Variants in HS3ST5 observed in about 807,000 individuals in gnomAD.
The protein encoded by HS3ST5 is heparan sulfate-glucosamine 3-sulfotransferase 5.
In HS3ST5, 10 loss-of-function variants were observed where a neutral mutation model predicts 25.4. The observed-to-expected ratio is 0.39, with a 90% CI of 0.24 to 0.67. The LOEUF (loss-of-function observed/expected upper bound fraction) is 0.67, where lower values mean the gene tolerates loss of function less well. Among genes scored for constraint, HS3ST5 ranks in the 30% least tolerant of loss-of-function variants. The pLI, the probability that HS3ST5 is intolerant of heterozygous loss-of-function variation, is 0.44. For missense variants in HS3ST5, 324 were observed against 420.7 expected (o/e 0.77, Z 2.01); for synonymous variants, 170 against 162.4 (o/e 1.05, Z -0.36).
chr6:114,178,471 G>C (rs543222505), intron 2 of HS3ST5, among the ~76,000 whole-genome samples: 18 of 152,282 alleles, frequency 1.2e-4, no homozygotes, highest in Admixed American at 2.0e-4. Context: ...AAGGAAAGAT[G>C]AATGGTGACA....
intron 2 of HS3ST5, among the ~76,000 whole-genome samples, chr6:114,185,816 G>A (rs1279248802): frequency 6.0e-5 from 9 of 149,458 alleles, no homozygotes; most frequent in Admixed American, 2.7e-4. Context: ...CCCAGCTCAC[G>A]CAGCCTCAAA....
chr6:114,076,119 G>C (rs1379038117), intron 3 of HS3ST5, among the ~76,000 whole-genome samples: 1 of 152,204 alleles, frequency 6.6e-6, no homozygotes, highest in Non-Finnish European at 1.5e-5. Context: ...GCAGAGACTT[G>C]AGGACATCTG....
intron 1 of HS3ST5, among the ~76,000 whole-genome samples, chr6:114,305,290 C>G (rs974632348): frequency 2.0e-5 from 3 of 152,078 alleles, no homozygotes; most frequent in Non-Finnish European, 4.4e-5. Flanking sequence ...ATACAATTTT[C>G]TAATACTTTT....
intron 1 of HS3ST5, among the ~76,000 whole-genome samples, chr6:114,232,378 A>G (rs1409427400): frequency 2.0e-5 from 3 of 152,066 alleles, no homozygotes; most frequent in Non-Finnish European, 2.9e-5. Context: ...TTTAGCAGAG[A>G]TGAGGTTTCT....
At chr6:114,179,068 GA>G (rs974013352) in intron 2 of HS3ST5, 1 of 152,148 alleles carries the variant, frequency 6.6e-6, no homozygotes, top group African/African-American at 2.4e-5. Context: ...CCCAGAGCAA[GA>G]CCTTTTAGGA....
At chr6:114,066,875 G>A (rs1031728697) in intron 3 of HS3ST5, among the ~76,000 whole-genome samples, 2 of 151,606 alleles carry the variant, frequency 1.3e-5, no homozygotes, top group African/African-American at 2.4e-5. Flanking sequence ...CCTAATATAA[G>A]TTATTTTGTC....
intron 2 of HS3ST5, among the ~76,000 whole-genome samples, chr6:114,173,273 T>G (rs9488338): frequency 1.2e-3 from 189 of 152,346 alleles, no homozygotes; most frequent in African/African-American, 4.5e-3. Context: ...CTATTTTATA[T>G]TCTCGATTTT....
intron 2 of HS3ST5, among the ~76,000 whole-genome samples, chr6:114,169,957 G>A (rs2115001185): frequency 6.6e-6 from 1 of 152,100 alleles, no homozygotes; most frequent in African/African-American, 2.4e-5. Flanking sequence ...CTTAACATTT[G>A]TACTAATTCT....
At chr6:114,243,410 T>C (rs759262836) in intron 1 of HS3ST5, among the ~76,000 whole-genome samples, 1 of 152,198 alleles carries the variant, frequency 6.6e-6, no homozygotes, top group Non-Finnish European at 1.5e-5. Flanking sequence ...TTGGCCACCA[T>C]GACACATATG....
At chr6:114,091,538 G>C (rs1321983883) in intron 3 of HS3ST5, among the ~76,000 whole-genome samples, 2 of 151,822 alleles carry the variant, frequency 1.3e-5, no homozygotes, top group East Asian at 3.9e-4. Context: ...CAGAAAATTA[G>C]CTGGGCATCG....
chr6:114,256,312 C>T (rs1240605353), intron 1 of HS3ST5, among the ~76,000 whole-genome samples: 9 of 150,714 alleles, frequency 6.0e-5, no homozygotes, highest in African/African-American at 1.5e-4. Flanking sequence ...GGCGTGAACC[C>T]GGGAGGCAGA....
At chr6:114,209,431 T>C (rs1781420639) in intron 2 of HS3ST5, among the ~76,000 whole-genome samples, 1 of 151,990 alleles carries the variant, frequency 6.6e-6, no homozygotes, top group Non-Finnish European at 1.5e-5. Context: ...CAATTTTCTC[T>C]TTTTTTTAAA....
intron 2 of HS3ST5, among the ~76,000 whole-genome samples, chr6:114,180,251 A>T (rs1245889805): frequency 6.6e-6 from 1 of 152,142 alleles, no homozygotes; most frequent in Non-Finnish European, 1.5e-5. Flanking sequence ...GGACATGGGG[A>T]TCCTATACTG....
intron 3 of HS3ST5, among the ~76,000 whole-genome samples, chr6:114,089,483 T>C (rs1157994902): frequency 6.6e-6 from 1 of 152,222 alleles, no homozygotes; most frequent in Non-Finnish European, 1.5e-5. Flanking sequence ...ATACATTTAT[T>C]TGTTGCTTGA....
chr6:114,101,618 T>TG (rs60640424), intron 3 of HS3ST5, among the ~76,000 whole-genome samples: 22,329 of 152,224 alleles, frequency 0.15, 1,769 homozygotes, highest in Non-Finnish European at 0.18. Flanking sequence ...AAATCAGTTC[T>TG]GCCATTGTGG....
At chr6:114,125,855 A>G (rs1215999977) in intron 3 of HS3ST5, among the ~76,000 whole-genome samples, 1 of 152,240 alleles carries the variant, frequency 6.6e-6, no homozygotes, top group Non-Finnish European at 1.5e-5. Context: ...TCTAAAATGC[A>G]GAAATAGGCA....
At chr6:114,117,947 G>C (rs1453093419) in intron 3 of HS3ST5, among the ~76,000 whole-genome samples, 1 of 152,076 alleles carries the variant, frequency 6.6e-6, no homozygotes, top group Non-Finnish European at 1.5e-5. Context: ...AAATGCCTTT[G>C]CAATCAATTC....
intron 3 of HS3ST5, among the ~76,000 whole-genome samples, chr6:114,161,140 T>C (rs1336714082): frequency 6.6e-6 from 1 of 151,918 alleles, no homozygotes; most frequent in African/African-American, 2.4e-5. Flanking sequence ...TGCCATAAAT[T>C]ACCAAACCCA....
chr6:114,100,466 C>A (rs1775667366), intron 3 of HS3ST5, among the ~76,000 whole-genome samples: 2 of 152,174 alleles, frequency 1.3e-5, no homozygotes, highest in African/African-American at 4.8e-5. Context: ...CAACTCTTGA[C>A]ACATTTTCAT....
Sources: gnomAD v4.1 joint callset for allele counts (sites outside exome capture counted in the v4.1 genomes callset) on GRCh38, gnomAD v4.1.1 for gene constraint, MANE v1.5 for transcripts, NCBI Gene and HGNC (gene_info 2026-07-23, HGNC 2026-07-21) for gene names.